NKAIN2: variants seen among roughly 807,000 people sequenced by gnomAD.
NKAIN2 encodes the protein sodium/potassium-transporting ATPase subunit beta-1-interacting protein 2.
NKAIN2 carries 14 observed loss-of-function variants against 32.6 expected under a neutral mutation model. The ratio of observed to expected loss-of-function variants is 0.43; its 90% CI spans 0.28 to 0.67. The LOEUF (loss-of-function observed/expected upper bound fraction) is 0.67, where lower values mean the gene tolerates loss of function less well. Among genes scored for constraint, NKAIN2 ranks in the 30% least tolerant of loss-of-function variants. The probability of loss-of-function intolerance (pLI) is 0.17; values close to 1 mark genes in which losing one functional copy is unlikely to be tolerated. For synonymous variants in NKAIN2, 80 were observed against 87.2 expected (o/e 0.92, Z 0.46); for missense variants, 198 against 258.3 (o/e 0.77, Z 1.60).
chr6:124,037,040 T>C (rs997485229), intron 1 of NKAIN2, among the ~76,000 whole-genome samples: 7 of 152,108 alleles, frequency 4.6e-5, no homozygotes, highest in Non-Finnish European at 8.8e-5. Flanking sequence ...GTCTAGTCCT[T>C]TCAAACTAGA....
chr6:124,506,288 C>T (rs1204262060), intron 3 of NKAIN2, among the ~76,000 whole-genome samples: 1 of 152,108 alleles, frequency 6.6e-6, no homozygotes, highest in African/African-American at 2.4e-5. Flanking sequence ...TTATTCTGGC[C>T]TTTTTATATT....
At chr6:124,630,478 T>C (rs1456659123) in intron 3 of NKAIN2, among the ~76,000 whole-genome samples, 1 of 152,120 alleles carries the variant, frequency 6.6e-6, no homozygotes, top group Non-Finnish European at 1.5e-5. Context: ...GAAAAAGCAA[T>C]ATAGAGAATT....
intron 5 of NKAIN2, among the ~76,000 whole-genome samples, chr6:124,796,941 A>G (rs2114820989): frequency 6.6e-6 from 1 of 152,008 alleles, no homozygotes; most frequent in African/African-American, 2.4e-5. Context: ...TCTCTTTTAC[A>G]CTATTCTGTA....
At chr6:124,585,818 A>G (rs770327658) in intron 3 of NKAIN2, among the ~76,000 whole-genome samples, 53 of 152,190 alleles carry the variant, frequency 3.5e-4, no homozygotes, top group Admixed American at 1.0e-3. Context: ...TTTTTAGTGA[A>G]CAACTATGTG....
At chr6:123,833,029 T>C (rs976035693) in intron 1 of NKAIN2, among the ~76,000 whole-genome samples, 7 of 152,212 alleles carry the variant, frequency 4.6e-5, no homozygotes, top group Non-Finnish European at 1.0e-4. Context: ...ATAAATACCA[T>C]AACCAAGTTA....
intron 3 of NKAIN2, among the ~76,000 whole-genome samples, chr6:124,521,230 G>A (rs940503448): frequency 2.6e-5 from 4 of 152,190 alleles, no homozygotes; most frequent in Admixed American, 6.5e-5. Flanking sequence ...CGTCTTACAA[G>A]AGAAGCATTC....
chr6:123,832,615 T>C (rs1774434799), intron 1 of NKAIN2, among the ~76,000 whole-genome samples: 1 of 152,224 alleles, frequency 6.6e-6, no homozygotes, highest in Admixed American at 6.5e-5. Context: ...TTCTTACTGC[T>C]TCACATCCTC....
chr6:124,460,684 A>G (rs1294618332), intron 3 of NKAIN2, among the ~76,000 whole-genome samples: 1 of 151,286 alleles, frequency 6.6e-6, no homozygotes, highest in Non-Finnish European at 1.5e-5. Flanking sequence ...CTAAAATTTC[A>G]CCATGGTTTC....
At chr6:123,985,426 TACAA>T (rs748167623) in intron 1 of NKAIN2, among the ~76,000 whole-genome samples, 113 of 151,986 alleles carry the variant, frequency 7.4e-4, no homozygotes, top group Non-Finnish European at 1.2e-3. Flanking sequence ...TACAGTAGAG[TACAA>T]ACAAACAAAC....
intron 1 of NKAIN2, among the ~76,000 whole-genome samples, chr6:123,983,169 T>G (rs1287185560): frequency 1.3e-5 from 2 of 152,174 alleles, no homozygotes; most frequent in Non-Finnish European, 2.9e-5. Context: ...AGGAATAAAA[T>G]GACTTTGAAT....
rs143482529 is a variant in NKAIN2 at position 124,239,922 on chromosome 6, C to T, written c.55-43083C>T. Among the ~76,000 whole-genome samples the T allele has an allele frequency of 1.3e-4, 20 of 151,944 alleles. No homozygotes were observed. In the East Asian group the frequency reaches 2.1e-3, roughly 16 times the overall value. Reference sequence around the variant, plus strand: ...AGCAGAACTGAAAGAGATATAGACACGAAAACACCTTCAAAAAATCAATGA... The same window carrying T: ...AGCAGAACTGAAAGAGATATAGACATGAAAACACCTTCAAAAAATCAATGA... On this transcript the variant is annotated intron_variant, in intron 1 of 6. Transcript: ENST00000368417.
intron 2 of NKAIN2, among the ~76,000 whole-genome samples, chr6:124,293,016 A>G (rs1277495355): frequency 6.6e-6 from 1 of 152,086 alleles, no homozygotes; most frequent in East Asian, 1.9e-4. Context: ...CTTGTGCATT[A>G]GGTTGATCTA....
intron 3 of NKAIN2, among the ~76,000 whole-genome samples, chr6:124,514,654 C>T (rs185640643): frequency 8.4e-4 from 127 of 151,652 alleles, no homozygotes; most frequent in Admixed American, 2.6e-3. Context: ...AAGGGTTCTC[C>T]AGTAAGTAGA....
intron 4 of NKAIN2, among the ~76,000 whole-genome samples, chr6:124,733,122 G>A (rs1015883425): frequency 4.6e-5 from 7 of 151,822 alleles, no homozygotes; most frequent in Non-Finnish European, 8.8e-5. Flanking sequence ...AAACTATAGC[G>A]ACAGTAAAAT....
intron 1 of NKAIN2, among the ~76,000 whole-genome samples, chr6:123,947,136 C>G (rs1385122001): frequency 1.3e-5 from 2 of 152,146 alleles, no homozygotes; most frequent in Non-Finnish European, 2.9e-5. Context: ...ATTAGTGATA[C>G]AATTGATGTG....
chr6:124,359,916 A>G (rs1477206011), intron 3 of NKAIN2, among the ~76,000 whole-genome samples: 1 of 152,194 alleles, frequency 6.6e-6, no homozygotes, highest in Non-Finnish European at 1.5e-5. Context: ...GTTTTGTCAT[A>G]GATAACTCTT....
intron 1 of NKAIN2, among the ~76,000 whole-genome samples, chr6:123,847,664 A>G (rs893889377): frequency 5.9e-5 from 9 of 152,182 alleles, no homozygotes; most frequent in Non-Finnish European, 1.2e-4. Context: ...TCATAAACAG[A>G]TGAGAATGAT....
intron 4 of NKAIN2, among the ~76,000 whole-genome samples, chr6:124,708,315 G>T (rs1218193972): frequency 5.9e-5 from 9 of 151,764 alleles, no homozygotes; most frequent in Non-Finnish European, 1.3e-4. Flanking sequence ...GGATTGCCTT[G>T]GTGAAGCGGG....
intron 4 of NKAIN2, among the ~76,000 whole-genome samples, chr6:124,745,944 A>G (rs1436121368): frequency 6.6e-6 from 1 of 151,928 alleles, no homozygotes; most frequent in Non-Finnish European, 1.5e-5. Flanking sequence ...AAGGCCAGAA[A>G]GAGCAATGGG....
Sources: allele counts gnomAD v4.1 joint callset (sites outside exome capture counted in the v4.1 genomes callset), GRCh38; gene constraint gnomAD v4.1.1; transcripts MANE v1.5; gene names NCBI Gene and HGNC (gene_info 2026-07-23, HGNC 2026-07-21).